EPSTI1: variants seen among roughly 807,000 people sequenced by gnomAD.
EPSTI1 encodes epithelial-stromal interaction protein 1.
In EPSTI1, 66 loss-of-function variants were observed where a neutral mutation model predicts 49.9. The observed-to-expected ratio is 1.32, with a 90% CI of 1.08 to 1.62. The LOEUF is 1.62. Among genes scored for constraint, EPSTI1 ranks in the 40% most tolerant of loss-of-function variants. The pLI is 0.00. For missense variants in EPSTI1, 394 were observed against 365.5 expected (o/e 1.08, Z -0.64); for synonymous variants, 137 against 130.7 (o/e 1.05, Z -0.33).
intron 10 of EPSTI1, among the ~76,000 whole-genome samples, chr13:42,890,294 T>A: frequency 1.0e-5 from 1 of 97,610 alleles, no homozygotes; most frequent in South Asian, 4.6e-4. Context: ...TTTTTTTCTT[T>A]TCTTTTTTTT....
intron 8 of EPSTI1, among the ~76,000 whole-genome samples, chr13:42,910,321 G>C (rs2037632429): frequency 6.9e-6 from 1 of 145,546 alleles, no homozygotes; most frequent in Admixed American, 7.0e-5. Flanking sequence ...GGGTGCAATG[G>C]TGCAGTCTTG....
intron 6 of EPSTI1, among the ~76,000 whole-genome samples, chr13:42,927,664 C>T (rs1386072404): frequency 6.6e-6 from 1 of 152,092 alleles, no homozygotes; most frequent in Non-Finnish European, 1.5e-5. Context: ...TGAAAAAGGT[C>T]AGAAGCTTGA....
intron 6 of EPSTI1, among the ~76,000 whole-genome samples, chr13:42,935,553 C>G (rs779888880): frequency 6.6e-6 from 1 of 152,156 alleles, no homozygotes; most frequent in African/African-American, 2.4e-5. Flanking sequence ...TTCATCCTAC[C>G]GAATTCTTCT....
rs768400897 is a variant in EPSTI1 at position 42,992,030 on chromosome 13, C to T, written c.136G>A (p.Ala46Thr). ...PVEDQREGLEAAPKGPSRESV... is the reference protein window; with the variant it reads ...PVEDQREGLETAPKGPSRESV... ...TCCCGCGAAGGGCCCTTAGGGGCTG[C>T]CTCCAAACCCTCTCTCTGGTCTTCC... The change falls in exon 1 of 11, where the codon GCA becomes ACA. Residue 46 changes from alanine to threonine, a missense_variant. By Grantham distance (58) the Ala-to-Thr change is moderately conservative. Transcript: ENST00000313624. 6.2e-7 allele frequency: 1 copy of T among 1,613,538 alleles called. No homozygotes were observed. Among genetic ancestry groups the T allele is most frequent in the South Asian group, 1.1e-5 (1 of 91,088 alleles).
chr13:42,889,403 G>A (rs1311298970), intron 10 of EPSTI1, among the ~76,000 whole-genome samples: 1 of 152,154 alleles, frequency 6.6e-6, no homozygotes, highest in Non-Finnish European at 1.5e-5. Flanking sequence ...TACTGCTTAA[G>A]TGTCTATATG....
At chr13:42,956,730 C>T (rs2039284975) in intron 5 of EPSTI1, among the ~76,000 whole-genome samples, 2 of 152,158 alleles carry the variant, frequency 1.3e-5, no homozygotes, top group Non-Finnish European at 2.9e-5. Context: ...AGGAAAGGGG[C>T]ATTCCCAGAA....
Position 42,936,081 on chromosome 13 carries a change from G to A in EPSTI1, c.564-9652C>T, listed in dbSNP as rs977424199. ...GACTGCTTCCTCAATTATAAAAGGA[G>A]AAGTACTCTCCTTTTAATCATTGAC... On this transcript the variant is annotated intron_variant, in intron 6 of 10. Coordinates refer to ENST00000313624, the MANE Select transcript of EPSTI1 (RefSeq NM_033255.5). Among the ~76,000 whole-genome samples the A allele has an allele frequency of 2.6e-5, 4 of 152,088 alleles. No individual in the cohort carries two copies. In the East Asian group the frequency reaches 7.7e-4, roughly 29 times the overall value.
chr13:42,950,657 T>C (rs533205123), intron 6 of EPSTI1, among the ~76,000 whole-genome samples: 67 of 152,162 alleles, frequency 4.4e-4, no homozygotes, highest in African/African-American at 1.3e-3. Context: ...TTGTCCTCTC[T>C]ACAGAAAAAA....
intron 7 of EPSTI1, among the ~76,000 whole-genome samples, chr13:42,921,978 A>G (rs901015734): frequency 1.3e-5 from 2 of 152,254 alleles, no homozygotes; most frequent in East Asian, 1.9e-4. Context: ...AAGACAGTCA[A>G]ATGTTCAAAG....
At chr13:42,908,994 G>A (rs1208439800) in intron 8 of EPSTI1, among the ~76,000 whole-genome samples, 5 of 151,758 alleles carry the variant, frequency 3.3e-5, no homozygotes, top group Non-Finnish European at 5.9e-5. Context: ...TCAGGAGGCT[G>A]AGGCAGGAGA....
chr13:42,886,745 A>G lies in EPSTI1; in HGVS notation c.*1749T>C, dbSNP rs572800349. On this transcript the variant is annotated 3_prime_UTR_variant, in exon 11 of 11. Transcript: ENST00000313624. ...TTATACCCCCACACATATTCTAGATAGTTCTGGTCATGAAGTAAGTCACAA... is the reference window on the plus strand; with the variant it reads ...TTATACCCCCACACATATTCTAGATGGTTCTGGTCATGAAGTAAGTCACAA... The G allele has an allele frequency of 6.6e-6, 1 of 152,314 alleles. No homozygotes were observed. The highest frequency in any genetic ancestry group is 2.1e-4 in the South Asian group (1 of 4,832). The allele number at this position is 152,314 out of a possible 1,614,324, so 9.4% of individuals were successfully genotyped here. A position where few individuals can be genotyped will look rare whatever the true frequency, so the allele number is the denominator to read the frequency against.
chr13:42,897,169 C>CTGCACT (rs1023619984), intron 9 of EPSTI1, among the ~76,000 whole-genome samples: 1 of 152,060 alleles, frequency 6.6e-6, no homozygotes, highest in African/African-American at 2.4e-5. Context: ...TTTAGAGCCT[C>CTGCACT]TGCACTTGCT....
chr13:42,951,971 A>T (rs187853859), intron 6 of EPSTI1, among the ~76,000 whole-genome samples: 1 of 152,316 alleles, frequency 6.6e-6, no homozygotes, highest in Admixed American at 6.5e-5. Flanking sequence ...AGCACTCCGT[A>T]GCTAGGATTG....
In EPSTI1 at chr13:42,955,889, G is replaced by GA. The variant is rs1246566050; in HGVS notation, c.490-1869dup. Among the ~76,000 whole-genome samples, 50 of 130,896 alleles carry GA rather than the reference G, an allele frequency of 3.8e-4. 1 individual carries two copies. The highest frequency in any genetic ancestry group is 6.7e-4 in the Non-Finnish European group (41 of 60,792). The allele number at this position is 130,896 out of a possible 152,430, so 85.9% of individuals were successfully genotyped here. A position where few individuals can be genotyped will look rare whatever the true frequency, so the allele number is the denominator to read the frequency against. ...ATGAAGAAGTATTTGGGGGGGGGGG[G>GA]AAGTAGTAGTAGTAGTATTTCTGGA... On this transcript the variant is annotated intron_variant, in intron 5 of 10. Transcript: ENST00000313624.
In EPSTI1 at chr13:42,888,122, G is replaced by A. The variant is rs1196071185; in HGVS notation, c.*372C>T. The stretch of plus-strand genomic sequence containing the variant: ...CCCCAAAGCTTTCAAAACCTGATCT[G>A]AGAATTAGATAAGAATATGTCACTT... On this transcript the variant is annotated 3_prime_UTR_variant, in exon 11 of 11. Coordinates refer to ENST00000313624, the MANE Select transcript of EPSTI1 (RefSeq NM_033255.5). The A allele has an allele frequency of 1.8e-6, 2 of 1,139,338 alleles. No individual in the cohort carries two copies. Among genetic ancestry groups the A allele is most frequent in the East Asian group, 2.4e-5 (1 of 41,564 alleles). 70.6% of individuals were successfully genotyped at this position (1,139,338 alleles called of 1,614,324 possible).
chr13:42,927,406 T>G (rs1291645092), intron 6 of EPSTI1, among the ~76,000 whole-genome samples: 1 of 152,212 alleles, frequency 6.6e-6, no homozygotes, highest in African/African-American at 2.4e-5. Context: ...AGCACTGACT[T>G]ACTTTGCACC....
intron 2 of EPSTI1, chr13:42,969,836 T>A (rs772526725): frequency 4.6e-5 from 7 of 152,266 alleles, no homozygotes; most frequent in Non-Finnish European, 7.3e-5. Flanking sequence ...CTGTTTCAAA[T>A]GTCCATTACT....
intron 8 of EPSTI1, among the ~76,000 whole-genome samples, chr13:42,913,928 G>A (rs1566111777): frequency 6.6e-6 from 1 of 152,120 alleles, no homozygotes; most frequent in Non-Finnish European, 1.5e-5. Flanking sequence ...AAATATGGTT[G>A]TTTAAAAGTA....
chr13:42,895,775 A>G lies in EPSTI1; in HGVS notation c.816-667T>C, dbSNP rs568099677. 2.0e-5 allele frequency among the ~76,000 whole-genome samples: 3 copies of G among 152,366 alleles called. No homozygotes were observed. The South Asian group carries it at 6.2e-4, about 32-fold the overall frequency. The stretch of plus-strand genomic sequence containing the variant: ...CTGAGTTGCCCACGTATGGCTGAGT[A>G]GAGTCAGGGACTTGGAAGCTGAAGA... On this transcript the variant is annotated intron_variant, in intron 9 of 10. Coordinates refer to ENST00000313624, the MANE Select transcript of EPSTI1 (RefSeq NM_033255.5).
Sources: gnomAD v4.1 joint callset for allele counts (sites outside exome capture counted in the v4.1 genomes callset) on GRCh38, gnomAD v4.1.1 for gene constraint, MANE v1.5 for transcripts, NCBI Gene and HGNC (gene_info 2026-07-23, HGNC 2026-07-21) for gene names.